Variants in PRKCH observed in about 807,000 individuals in gnomAD.
PRKCH encodes protein kinase C eta.
PRKCH carries 28 observed loss-of-function variants against 82.5 expected under a neutral mutation model. The ratio of observed to expected loss-of-function variants is 0.34; its 90% confidence interval spans 0.25 to 0.47. The LOEUF (loss-of-function observed/expected upper bound fraction) is 0.47. PRKCH is among the 20% of genes least tolerant of loss of function. The pLI, the probability that PRKCH is intolerant of heterozygous loss-of-function variation, is 1.00. For missense variants in PRKCH, 705 were observed against 881.8 expected, an observed-to-expected ratio of 0.80 and a Z score of 2.54; for synonymous variants, 322 against 327.4, an observed-to-expected ratio of 0.98 and a Z score of 0.18.
At chr14:61,227,024 C>T (rs1274533864) in intron 1 of PRKCH, among the ~76,000 whole-genome samples, 1 of 152,186 alleles carries the variant, frequency 6.6e-6, no homozygotes, top group African/African-American at 2.4e-5. Context: ...TCGCCATTAA[C>T]CACCTAAATT....
chr14:61,478,335 C>G (rs1171112206), intron 9 of PRKCH, among the ~76,000 whole-genome samples: 2 of 152,086 alleles, frequency 1.3e-5, no homozygotes, highest in Non-Finnish European at 2.9e-5. Context: ...TGGCCCAGAG[C>G]CCAGGTGTCG....
chr14:61,263,190 T>C (rs1208744236), intron 1 of PRKCH, among the ~76,000 whole-genome samples: 3 of 152,190 alleles, frequency 2.0e-5, no homozygotes, highest in African/African-American at 7.2e-5. Context: ...TTATTCCCTC[T>C]CATTCAAAGC....
In PRKCH at chr14:61,335,148, G is replaced by A. The variant is rs565063803; in HGVS notation, c.363+12684G>A. Among the ~76,000 whole-genome samples, 6 of 152,252 alleles carry A rather than the reference G, an allele frequency of 3.9e-5. 1 individual carries two copies. Among genetic ancestry groups the A allele is most frequent in the Admixed American group, 3.3e-4 (5 of 15,302 alleles). On this transcript the variant is annotated intron_variant, in intron 1 of 13. Transcript: ENST00000332981. ...TCTGAAAAGAATCGTACTGGCTGAG[G>A]ATAGACACCCACAGGGTTGCCTCTT... is the stretch of plus-strand genomic sequence containing the variant.
chr14:61,475,512 G>C (rs1885692450), intron 9 of PRKCH, among the ~76,000 whole-genome samples: 1 of 152,208 alleles, frequency 6.6e-6, no homozygotes, highest in East Asian at 1.9e-4. Flanking sequence ...TCTCCACTGA[G>C]AGATGCCTGC....
At position 61,337,205 on chromosome 14, in the gene PRKCH, G is replaced by A. The variant is rs1271055744; in HGVS notation, c.363+14741G>A. Among the ~76,000 whole-genome samples the A allele has an allele frequency of 4.3e-5, 6 of 139,752 alleles. No individual in the cohort carries two copies. In the Admixed American group the frequency reaches 4.4e-4, roughly 10 times the overall value. The allele number at this position is 139,752 out of a possible 152,430, so 91.7% of individuals were successfully genotyped here. A position where few individuals can be genotyped will look rare whatever the true frequency, so the allele number is the denominator to read the frequency against. ...GTCCCCCAGGCTGGAATGTAGTGGT[G>A]TGAACATGACTCACTGCAGTCTCAA... is the stretch of plus-strand genomic sequence containing the variant. On this transcript the variant is annotated intron_variant, in intron 1 of 13. Transcript: ENST00000332981.
intron 1 of PRKCH, among the ~76,000 whole-genome samples, chr14:61,210,119 T>TAA (rs2044560178): frequency 9.3e-5 from 2 of 21,508 alleles, no homozygotes; most frequent in Non-Finnish European, 1.5e-4. Flanking sequence ...CAAATATATA[T>TAA]ATATATATAT....
At chr14:61,191,369 G>A (rs553024081) in intron 1 of PRKCH, among the ~76,000 whole-genome samples, 63 of 152,246 alleles carry the variant, frequency 4.1e-4, no homozygotes, top group African/African-American at 1.3e-3. Context: ...ATAAATGTTT[G>A]GCTTCTGTGG....
intron 10 of PRKCH, among the ~76,000 whole-genome samples, chr14:61,498,716 T>C (rs1389790653): frequency 1.3e-5 from 2 of 152,270 alleles, no homozygotes; most frequent in Admixed American, 1.3e-4. Flanking sequence ...TCTCTTGTTA[T>C]AAGGTCACAA....
chr14:61,410,668 G>C (rs563178226), intron 2 of PRKCH, among the ~76,000 whole-genome samples: 3 of 152,222 alleles, frequency 2.0e-5, no homozygotes, highest in African/African-American at 7.2e-5. Flanking sequence ...ATTATTGGAT[G>C]CTCTTTTTCC....
Position 61,235,336 on chromosome 14 carries a change from T to G in PRKCH, c.-19+47668T>G, listed in dbSNP as rs543316603. 1.3e-4 allele frequency among the ~76,000 whole-genome samples: 20 copies of G among 152,332 alleles called. No individual in the cohort carries two copies. The South Asian group carries it at 4.1e-3, about 32-fold the overall frequency. On this transcript the variant is annotated intron_variant, in intron 1 of 3. Transcript: ENST00000555185. Reference sequence around the variant, plus strand: ...ATGCAATTCAGCTCACCATGCTAATTTGTTTTTACCTTCTTCAGTCAGAGA... The same window carrying G: ...ATGCAATTCAGCTCACCATGCTAATGTGTTTTTACCTTCTTCAGTCAGAGA...
rs866653754 is a variant in PRKCH at position 61,254,005 on chromosome 14, C to T, written c.-19+66337C>T. On this transcript the variant is annotated intron_variant, in intron 1 of 3. Transcript: ENST00000555185. ...TCCCTCCCTCCCTCCCTCCCTCCCT[C>T]CCTCCCTTCCTTCCTTCCTTCCTTT... Among the ~76,000 whole-genome samples, 63 of 126,620 alleles carry T rather than the reference C, an allele frequency of 5.0e-4. No homozygotes were observed. In the East Asian group the frequency reaches 0.012, roughly 24 times the overall value. 83.1% of individuals were successfully genotyped at this position (126,620 alleles called of 152,430 possible). A position where few individuals can be genotyped will look rare whatever the true frequency, so the allele number is the denominator to read the frequency against.
chr14:61,530,592 A>G lies in PRKCH; in HGVS notation c.1758A>G (p.Lys586=). 1 of 1,590,752 alleles carries G rather than the reference A, an allele frequency of 6.3e-7. No individual in the cohort carries two copies. Among genetic ancestry groups the G allele is most frequent in the Non-Finnish European group, 8.6e-7 (1 of 1,165,942 alleles). The part of the protein sequence containing the change: ...WLHEDATGIL[K]SFMTKNPTMR... ...ATGAAGATGCCACAGGGATCCTAAA[A>G]TCTGTAAGTTTGGCTTACCCAGCTA... The change falls in exon 12 of 14, where the codon AAA becomes AAG. Residue 586 remains lysine (K), a synonymous_variant. Coordinates refer to ENST00000332981, the MANE Select transcript of PRKCH (RefSeq NM_006255.5).
At chr14:61,307,449 T>C (rs1421629238) in intron 1 of PRKCH, among the ~76,000 whole-genome samples, 3 of 152,170 alleles carry the variant, frequency 2.0e-5, no homozygotes, top group African/African-American at 7.2e-5. Context: ...GCTGTTTAAA[T>C]CAATCAATCA....
intron 2 of PRKCH, among the ~76,000 whole-genome samples, chr14:61,428,891 C>CT (rs771455705): frequency 6.6e-6 from 1 of 151,886 alleles, no homozygotes; most frequent in Admixed American, 6.6e-5. Context: ...TTTAAAATAC[C>CT]TTTTTTTGGA....
At chr14:61,486,871 C>T (rs545082490) in intron 10 of PRKCH, among the ~76,000 whole-genome samples, 12 of 152,154 alleles carry the variant, frequency 7.9e-5, no homozygotes, top group East Asian at 1.9e-4. Flanking sequence ...GAAAAATTTT[C>T]GTATATTAGG....
intron 10 of PRKCH, among the ~76,000 whole-genome samples, chr14:61,502,725 C>A (rs553255214): frequency 6.6e-6 from 1 of 152,216 alleles, no homozygotes; most frequent in Non-Finnish European, 1.5e-5. Flanking sequence ...TGAGCTCCTG[C>A]CCTCTAAGAA....
At chr14:61,388,238 G>A (rs1023658211) in intron 1 of PRKCH, among the ~76,000 whole-genome samples, 7 of 151,950 alleles carry the variant, frequency 4.6e-5, no homozygotes, top group African/African-American at 1.7e-4. Context: ...TCAACCTGCA[G>A]TTTGTAAAAC....
chr14:61,414,047 A>G lies in PRKCH; in HGVS notation c.427+22759A>G, dbSNP rs559298245. On this transcript the variant is annotated intron_variant, in intron 2 of 13. Transcript: ENST00000332981. ...TTCTTCCCTTCTCTTCCTTTCTCGT[A>G]TCTTTGGGCTTCTCTACCACCCTCT... Among the ~76,000 whole-genome samples, 3 of 152,014 alleles carry G rather than the reference A, an allele frequency of 2.0e-5. No homozygotes were observed. In the South Asian group the frequency reaches 6.2e-4, roughly 32 times the overall value.
At chr14:61,533,389 A>G (rs2043066740) in intron 12 of PRKCH, among the ~76,000 whole-genome samples, 1 of 150,388 alleles carries the variant, frequency 6.6e-6, no homozygotes, top group South Asian at 2.1e-4. Context: ...CTTAAATGGT[A>G]TAGATGAAAA....
Sources: allele counts gnomAD v4.1 joint callset (sites outside exome capture counted in the v4.1 genomes callset), GRCh38; gene constraint gnomAD v4.1.1; transcripts MANE v1.5; gene names NCBI Gene and HGNC (gene_info 2026-07-23, HGNC 2026-07-21).